Variants in MRPL15 observed in about 807,000 individuals in gnomAD.
MRPL15 encodes the protein large ribosomal subunit protein uL15m.
MRPL15 carries 24 observed loss-of-function variants against 28.0 expected under a neutral mutation model. The ratio of observed to expected loss-of-function variants is 0.86; its 90% confidence interval spans 0.62 to 1.21. MRPL15 has a LOEUF of 1.21. MRPL15 is among the 50% of genes most tolerant of loss of function. MRPL15 has a pLI of 0.00. For missense variants in MRPL15, 343 were observed against 372.4 expected, an observed-to-expected ratio of 0.92 and a Z score of 0.65; for synonymous variants, 124 against 137.0, an observed-to-expected ratio of 0.90 and a Z score of 0.66.
intron 1 of MRPL15, 21 bp downstream of exon 1, chr8:54,135,412 CG>C: frequency 6.6e-7 from 1 of 1,520,066 alleles, no homozygotes; most frequent in East Asian, 2.7e-5. Context: ...GGTGGCGGTG[CG>C]GGGAAGCGCT....
intron 3 of MRPL15, among the ~76,000 whole-genome samples, chr8:54,138,458 C>T (rs902212074): frequency 1.3e-5 from 2 of 151,596 alleles, no homozygotes; most frequent in African/African-American, 2.4e-5. Context: ...GGTGGGACTA[C>T]AGGTGCGTGC....
At chr8:54,141,147 T>C (rs917214643) in intron 3 of MRPL15, among the ~76,000 whole-genome samples, 2 of 152,208 alleles carry the variant, frequency 1.3e-5, no homozygotes, top group African/African-American at 2.4e-5. Context: ...TTAATCTATG[T>C]TTGACAGCAT....
Position 54,142,659 on chromosome 8 carries a change from T to G in MRPL15, c.430-4T>G. 1 of 1,612,260 alleles carries G rather than the reference T, an allele frequency of 6.2e-7. No homozygotes were observed. On this transcript the variant is annotated splice_polypyrimidine_tract_variant and splice_region_variant and intron_variant, in intron 3 of 4. Coordinates refer to ENST00000260102, the MANE Select transcript of MRPL15 (RefSeq NM_014175.4). ...TACCAACAGACTGTTTTGACATATT[T>G]CAGGGTGCTGACACCTTTACGGCAA...
At chr8:54,146,035 C>T (rs556606612) in intron 4 of MRPL15, among the ~76,000 whole-genome samples, 1 of 152,278 alleles carries the variant, frequency 6.6e-6, no homozygotes, top group South Asian at 2.1e-4. Context: ...CTAGGTGATG[C>T]AATATATTAG....
intron 3 of MRPL15, among the ~76,000 whole-genome samples, chr8:54,140,506 G>A (rs1269125636): frequency 3.3e-5 from 5 of 150,018 alleles, no homozygotes; most frequent in South Asian, 2.1e-4. Context: ...CAAGTACTCC[G>A]CCCTCCTTGG....
At position 54,147,725 on chromosome 8, in the gene MRPL15, C is replaced by A; in HGVS notation, c.*6C>A. The A allele has an allele frequency of 6.3e-7, 1 of 1,595,174 alleles. No homozygotes were observed. Among genetic ancestry groups the A allele is most frequent in the South Asian group, 1.1e-5 (1 of 88,504 alleles). Reference sequence around the variant, plus strand: ...TTAAGTATTATACCTCATGAATTCCCGTCCAAGGAAGCAGAGTTGTTAAAG... The same window carrying A: ...TTAAGTATTATACCTCATGAATTCCAGTCCAAGGAAGCAGAGTTGTTAAAG... On this transcript the variant is annotated 3_prime_UTR_variant, in exon 5 of 5. Coordinates refer to ENST00000260102, the MANE Select transcript of MRPL15 (RefSeq NM_014175.4).
In MRPL15 at chr8:54,148,292, A is replaced by G. The variant is rs781402839; in HGVS notation, c.*573A>G. Among the ~76,000 whole-genome samples, 3 of 152,220 alleles carry G rather than the reference A, an allele frequency of 2.0e-5. No homozygotes were observed. The highest frequency in any genetic ancestry group is 4.8e-5 in the African/African-American group (2 of 41,464). On this transcript the variant is annotated 3_prime_UTR_variant, in exon 5 of 5. Transcript: ENST00000260102. Reference sequence around the variant, plus strand: ...GTGAGAGAAACAAAAATTACAAATGAATTTATTTTCTCAATTCTGTGGTAG... The same window carrying G: ...GTGAGAGAAACAAAAATTACAAATGGATTTATTTTCTCAATTCTGTGGTAG...
rs778351181 is a variant in MRPL15, at chr8:54,135,315, G to C, written c.32G>C (p.Arg11Pro). 1 of 1,437,680 alleles carries C rather than the reference G, an allele frequency of 7.0e-7. No homozygotes were observed. Among genetic ancestry groups the C allele is most frequent in the Non-Finnish European group, 9.2e-7 (1 of 1,089,674 alleles). The allele number at this position is 1,437,680 out of a possible 1,614,324, so 89.1% of individuals were successfully genotyped here. Residue 11 changes from arginine (R) to proline (P), a missense_variant, in exon 1 of 5, where the codon CGG becomes CCG. By Grantham distance (103) the Arg-to-Pro change is moderately radical. Coordinates refer to ENST00000260102, the MANE Select transcript of MRPL15 (RefSeq NM_014175.4). ...GGTCCCTTGCAGGGCGGTGGGGCCC[G>C]GGCCCTGGACCTACTCCGGGGCCTG... The part of the protein sequence containing the change: MAGPLQGGGA[R>P]ALDLLRGLPR...
chr8:54,137,424 G>C lies in MRPL15; in HGVS notation c.420G>C (p.Leu140=), dbSNP rs755807980. The change falls in exon 3 of 5, where the codon CTG becomes CTC. Residue 140 remains leucine, a synonymous_variant. Transcript: ENST00000260102. ...QPLKRDYGVQ[L]VEEGADTFTA... ...TTAAAAGGGATTATGGTGTCCAGCT[G>C]GTTGAGGAGGTAAGTCTTGATTAGA... 1.9e-6 allele frequency: 3 copies of C among 1,613,598 alleles called. No homozygotes were observed. In the African/African-American group the frequency reaches 4.0e-5, roughly 22 times the overall value.
intron 4 of MRPL15, among the ~76,000 whole-genome samples, chr8:54,144,816 G>A (rs1352555184): frequency 1.3e-5 from 2 of 152,006 alleles, no homozygotes; most frequent in Non-Finnish European, 2.9e-5. Flanking sequence ...TGATGATTCC[G>A]TTTTCCCTCT....
At chr8:54,145,538 A>C (rs1811029188) in intron 4 of MRPL15, among the ~76,000 whole-genome samples, 1 of 151,644 alleles carries the variant, frequency 6.6e-6, no homozygotes, top group Non-Finnish European at 1.5e-5. Flanking sequence ...GCTAGAGTGC[A>C]GTTCCACTCA....
rs946297760 is a variant in MRPL15 at position 54,147,478 on chromosome 8, C to G, written c.650C>G (p.Ala217Gly). The change falls in exon 5 of 5, where the codon GCA (alanine) becomes GGA (glycine). Residue 217 changes from alanine (A) to glycine (G), a missense_variant. Ala to Gly is a moderately conservative substitution (Grantham distance 60, BLOSUM62 0). Coordinates refer to ENST00000260102, the MANE Select transcript of MRPL15 (RefSeq NM_014175.4). ...PEELVPYYTD[A>G]KNRGYLADPA... ...GAACTGGTACCATATTACACTGATG[C>G]AAAGAACCGTGGGTACCTGGCGGAT... The G allele has an allele frequency of 1.2e-6, 2 of 1,614,022 alleles. No individual in the cohort carries two copies. The highest frequency in any genetic ancestry group is 1.7e-6 in the Non-Finnish European group (2 of 1,180,028).
intron 3 of MRPL15, among the ~76,000 whole-genome samples, chr8:54,138,946 C>G (rs1810873554): frequency 6.6e-6 from 1 of 152,170 alleles, no homozygotes; most frequent in Non-Finnish European, 1.5e-5. Flanking sequence ...TCTGCCTTAG[C>G]TTCCCAAGTA....
chr8:54,135,439 G>GA, intron 1 of MRPL15, 48 bp downstream of exon 1: 1 of 1,473,150 alleles, frequency 6.8e-7, no homozygotes, highest in Non-Finnish European at 9.1e-7. Context: ...CCCGGGCGAT[G>GA]AAAGCGGCCC....
chr8:54,140,234 G>C (rs1316130030), intron 3 of MRPL15, among the ~76,000 whole-genome samples: 1 of 152,046 alleles, frequency 6.6e-6, no homozygotes, highest in Non-Finnish European at 1.5e-5. Flanking sequence ...TCAGAGTTCA[G>C]AGCTACATTT....
At position 54,136,524 on chromosome 8, in the gene MRPL15, G is replaced by C; in HGVS notation, c.122G>C (p.Arg41Thr). 6.2e-7 allele frequency: 1 copy of C among 1,612,466 alleles called. No individual in the cohort carries two copies. Among genetic ancestry groups the C allele is most frequent in the Non-Finnish European group, 8.5e-7 (1 of 1,179,492 alleles). ...TTTTCCTTGCAGGAGAGAAGACCAA[G>C]AGGTCGGAGAAGAGGTAGAAAATGT... is the stretch of plus-strand genomic sequence containing the variant. ...PGSKKPERRP[R>T]GRRRGRKCGR... The change falls in exon 2 of 5, where the codon AGA becomes ACA. Residue 41 changes from arginine to threonine, a missense_variant. By Grantham distance (71) the Arg-to-Thr change is moderately conservative. Transcript: ENST00000260102.
chr8:54,145,343 T>C (rs1156941513), intron 4 of MRPL15, among the ~76,000 whole-genome samples: 1 of 152,038 alleles, frequency 6.6e-6, no homozygotes, highest in Non-Finnish European at 1.5e-5. Flanking sequence ...GCCTCATGAG[T>C]AGCTGGGACT....
At chr8:54,146,381 A>G (rs948331925) in intron 4 of MRPL15, among the ~76,000 whole-genome samples, 3 of 150,250 alleles carry the variant, frequency 2.0e-5, no homozygotes, top group African/African-American at 7.4e-5. Flanking sequence ...TGGGAGGCAG[A>G]GGTTGCAGTG....
rs192445048 is a variant in MRPL15 at position 54,147,421 on chromosome 8, A to G, written c.593A>G (p.Gln198Arg). The change falls in exon 5 of 5, where the codon CAA (glutamine) becomes CGA (arginine). Residue 198 changes from glutamine (Q) to arginine (R), a missense_variant. Physicochemically the swap from Gln to Arg is conservative, Grantham distance 43. Transcript: ENST00000260102. ...CCTGTTCCATTCTTTCTTCGTGGAC[A>G]ACCCATTCCAAAAAGAATGCTTCCA... is the stretch of plus-strand genomic sequence containing the variant. ...CKPVPFFLRGQPIPKRMLPPE... is the reference protein window; with the variant it reads ...CKPVPFFLRGRPIPKRMLPPE... 2 of 1,613,600 alleles carry G rather than the reference A, an allele frequency of 1.2e-6. No homozygotes were observed. Among genetic ancestry groups the G allele is most frequent in the East Asian group, 2.2e-5 (1 of 44,880 alleles).
Sources: gnomAD v4.1 joint callset for allele counts (sites outside exome capture counted in the v4.1 genomes callset) on GRCh38, gnomAD v4.1.1 for gene constraint, MANE v1.5 for transcripts, NCBI Gene and HGNC (gene_info 2026-07-23, HGNC 2026-07-21) for gene names.